SPG21: variants seen among roughly 807,000 people sequenced by gnomAD.
SPG21 encodes SPG21 abhydrolase domain containing, maspardin, also known as maspardin.
In SPG21, 26 loss-of-function variants were observed where a neutral mutation model predicts 38.9. The ratio of observed to expected loss-of-function variants is 0.67; its 90% confidence interval spans 0.49 to 0.93. The LOEUF is 0.93. Ranked by LOEUF, SPG21 falls within the 40% of genes least tolerant of loss-of-function variation. SPG21 has a pLI of 0.00. For synonymous variants in SPG21, 136 were observed against 128.9 expected (o/e 1.05, Z -0.37); for missense variants, 333 against 376.5 (o/e 0.88, Z 0.96).
chr15:64,980,263 C>T (rs528450428), intron 3 of SPG21, among the ~76,000 whole-genome samples: 26 of 152,210 alleles, frequency 1.7e-4, no homozygotes, highest in Non-Finnish European at 2.6e-4. Context: ...ACAACGCTTC[C>T]TACCGCTCTG....
intron 8 of SPG21, among the ~76,000 whole-genome samples, chr15:64,964,639 C>CTT (rs528465945): frequency 7.5e-6 from 1 of 134,222 alleles, no homozygotes; most frequent in Non-Finnish European, 1.5e-5. Flanking sequence ...CTTTTCTTTT[C>CTT]TTTTTTTTTG....
intron 1 of SPG21, chr15:64,988,854 A>C (rs966140594): frequency 6.6e-6 from 1 of 152,098 alleles, no homozygotes; most frequent in Non-Finnish European, 1.5e-5. Flanking sequence ...TGGTGGCGGG[A>C]GCCTGTAGTG....
At chr15:64,973,150 G>A (rs1013739094) in intron 5 of SPG21, among the ~76,000 whole-genome samples, 2 of 151,960 alleles carry the variant, frequency 1.3e-5, no homozygotes, top group Non-Finnish European at 2.9e-5. Flanking sequence ...ATTGTTATTT[G>A]TAGAGATGGG....
intron 2 of SPG21, chr15:64,981,289 CTTTTTTT>C: frequency 1.1e-5 from 3 of 280,864 alleles, no homozygotes; most frequent in South Asian, 3.2e-5. Context: ...CCCCCTCCTC[CTTTTTTT>C]TTTTTTTTTT....
intron 2 of SPG21, 103 bp from the exon 3 acceptor site, chr15:64,981,128 T>C: frequency 1.4e-6 from 2 of 1,418,382 alleles, no homozygotes; most frequent in Admixed American, 1.9e-5. Flanking sequence ...TACTGCCTTG[T>C]TTGTTACAAG....
At chr15:64,971,664 C>T (rs959893112) in intron 5 of SPG21, among the ~76,000 whole-genome samples, 3 of 151,946 alleles carry the variant, frequency 2.0e-5, no homozygotes, top group Non-Finnish European at 2.9e-5. Flanking sequence ...GGTGAAACCC[C>T]GTCTCTACTA....
At chr15:64,973,700 C>T (rs1197661404) in intron 5 of SPG21, among the ~76,000 whole-genome samples, 2 of 152,086 alleles carry the variant, frequency 1.3e-5, no homozygotes, top group African/African-American at 2.4e-5. Flanking sequence ...CCGGCCGCCT[C>T]GGCCTCCCAA....
At chr15:64,986,426 C>T (rs1047689873) in intron 1 of SPG21, among the ~76,000 whole-genome samples, 2 of 151,586 alleles carry the variant, frequency 1.3e-5, no homozygotes, top group African/African-American at 4.8e-5. Context: ...CGGCTCACAC[C>T]TGTAATCCCA....
At chr15:64,975,800 C>A (rs2085761848) in intron 4 of SPG21, among the ~76,000 whole-genome samples, 1 of 152,082 alleles carries the variant, frequency 6.6e-6, no homozygotes, top group African/African-American at 2.4e-5. Flanking sequence ...AGTATTGATT[C>A]CGGCTTCAAC....
chr15:64,987,570 A>G (rs2086020745), intron 1 of SPG21: 1 of 152,272 alleles, frequency 6.6e-6, no homozygotes, highest in South Asian at 2.1e-4. Context: ...CATGAGCTCA[A>G]AACTGATTTT....
chr15:64,975,099 C>G (rs965591786), intron 4 of SPG21, among the ~76,000 whole-genome samples: 1 of 151,854 alleles, frequency 6.6e-6, no homozygotes, highest in South Asian at 2.1e-4. Flanking sequence ...ACCAGCCTAG[C>G]CAGCATGGTG....
At chr15:64,974,860 T>C (rs1359802722) in intron 4 of SPG21, 113 bp from the exon 5 acceptor site, 3 of 1,160,312 alleles carry the variant, frequency 2.6e-6, no homozygotes, top group East Asian at 5.0e-5. Context: ...CACTAGCCAA[T>C]AGACTAAAAT....
At chr15:64,975,714 T>A (rs2085760747) in intron 4 of SPG21, among the ~76,000 whole-genome samples, 1 of 152,096 alleles carries the variant, frequency 6.6e-6, no homozygotes, top group Admixed American at 6.6e-5. Flanking sequence ...ACAACCCAAA[T>A]GTGCATCAGC....
intron 1 of SPG21, among the ~76,000 whole-genome samples, chr15:64,986,182 G>T (rs1303689330): frequency 6.8e-6 from 1 of 147,600 alleles, no homozygotes; most frequent in Admixed American, 6.9e-5. Context: ...CCTAGCCAAG[G>T]TAGTGAAACC....
In SPG21 at chr15:64,980,554, C is replaced by A. The variant is rs11858985; in HGVS notation, c.225+310G>T. Reference sequence around the variant, plus strand: ...GAGTTCGAGACCAGCCTGGCCAACACGGCGAAACCCCGTCTCTACTAAAAA... The same window carrying A: ...GAGTTCGAGACCAGCCTGGCCAACAAGGCGAAACCCCGTCTCTACTAAAAA... On this transcript the variant is annotated intron_variant, in intron 3 of 8. Coordinates refer to ENST00000204566, the MANE Select transcript of SPG21 (RefSeq NM_016630.7). Among the ~76,000 whole-genome samples the A allele has an allele frequency of 0.34, 51,535 of 151,614 alleles. 9,944 individuals are homozygous for A. The highest frequency in any genetic ancestry group is 0.61 in the South Asian group (2,920 of 4,804).
At chr15:64,965,706 T>G (rs1032542235) in intron 7 of SPG21, among the ~76,000 whole-genome samples, 1 of 151,956 alleles carries the variant, frequency 6.6e-6, no homozygotes, top group Admixed American at 6.6e-5. Context: ...CAGCATCTCC[T>G]GCATTCTTTT....
At chr15:64,967,131 A>G (rs910994932) in intron 7 of SPG21, among the ~76,000 whole-genome samples, 3 of 152,288 alleles carry the variant, frequency 2.0e-5, no homozygotes, top group South Asian at 4.1e-4. Flanking sequence ...GAAATGGTAT[A>G]GCCACTGTGG....
At chr15:64,988,734 G>A (rs540241176) in intron 1 of SPG21, 2 of 152,566 alleles carry the variant, frequency 1.3e-5, no homozygotes, top group African/African-American at 4.8e-5. Context: ...TGTAATCTCA[G>A]CCCTTTGGGA....
rs558920362 is a variant in SPG21, at chr15:64,975,866, C to CATATG, written c.306+604_306+608dup. Among the ~76,000 whole-genome samples the CATATG allele has an allele frequency of 6.7e-3, 1,027 of 152,178 alleles. 5 individuals carry two copies. The highest frequency in any genetic ancestry group is 9.7e-3 in the Non-Finnish European group (661 of 67,998). On this transcript the variant is annotated intron_variant, in intron 4 of 8. Coordinates refer to ENST00000204566, the MANE Select transcript of SPG21 (RefSeq NM_016630.7). ...TAAAAAAAGCCAGTCAAAAAGACCA[C>CATATG]ATATGATACGATTCCACTTATGTAA...
Sources: allele counts gnomAD v4.1 joint callset (sites outside exome capture counted in the v4.1 genomes callset), GRCh38; gene constraint gnomAD v4.1.1; transcripts MANE v1.5; gene names NCBI Gene and HGNC (gene_info 2026-07-23, HGNC 2026-07-21).